The following KDM5B variants were observed in gnomAD, a reference collection of about 807,000 sequenced individuals.
KDM5B encodes lysine demethylase 5B, also known as lysine-specific demethylase 5B.
In KDM5B, 144 loss-of-function variants were observed where a neutral mutation model predicts 193.4. That is an observed-to-expected ratio of 0.74 (90% CI 0.65 to 0.86). KDM5B has a LOEUF of 0.86. Ranked by LOEUF, KDM5B falls within the 40% of genes least tolerant of loss-of-function variation. The pLI, the probability that KDM5B is intolerant of heterozygous loss-of-function variation, is 0.00. For missense variants in KDM5B, 1,833 were observed against 1,886.9 expected (o/e 0.97, Z 0.53); for synonymous variants, 668 against 682.6 (o/e 0.98, Z 0.33).
chr1:202,773,291 G>A lies in KDM5B; in HGVS notation c.406-3C>T. The A allele has an allele frequency of 6.2e-7, 1 of 1,613,176 alleles. No individual in the cohort carries two copies. The highest frequency in any genetic ancestry group is 1.1e-5 in the South Asian group (1 of 91,044). ...AATCCACCTTCTTCTGCAACTAACTGTTAAAATAGCAAAATTAGAAACAAC... is the reference window on the plus strand; with the variant it reads ...AATCCACCTTCTTCTGCAACTAACTATTAAAATAGCAAAATTAGAAACAAC... On this transcript the variant is annotated splice_region_variant and splice_polypyrimidine_tract_variant and intron_variant, in intron 3 of 26. Transcript: ENST00000367265.
intron 1 of KDM5B, among the ~76,000 whole-genome samples, chr1:202,788,594 T>C (rs998216888): frequency 1.4e-5 from 2 of 146,958 alleles, no homozygotes; most frequent in Non-Finnish European, 3.0e-5. Flanking sequence ...GTATTGGTAT[T>C]GGTAGGTCCT....
chr1:202,755,628 A>G (rs548048210), intron 10 of KDM5B, among the ~76,000 whole-genome samples, 176 bp from the exon 11 acceptor site: 2 of 152,324 alleles, frequency 1.3e-5, no homozygotes, highest in African/African-American at 4.8e-5. Flanking sequence ...TGAGCTTTGT[A>G]TAAATGGACT....
chr1:202,750,577 C>T (rs1655749277), intron 13 of KDM5B, 82 bp downstream of exon 13: 1 of 1,489,572 alleles, frequency 6.7e-7, no homozygotes, highest in Non-Finnish European at 9.2e-7. Context: ...ACCCAGCCCA[C>T]ATGACACTTT....
chr1:202,748,837 A>C lies in KDM5B; in HGVS notation c.2016+108T>G, dbSNP rs1655672908. ...ACTATACATCTATTACAATGGCCTCAAAGAAAATAGGCTTTAAAAAGACTG... is the reference window on the plus strand; with the variant it reads ...ACTATACATCTATTACAATGGCCTCCAAGAAAATAGGCTTTAAAAAGACTG... On this transcript the variant is annotated intron_variant, in intron 14 of 26. Coordinates refer to ENST00000367265, the MANE Select transcript of KDM5B (RefSeq NM_006618.5). The C allele has an allele frequency of 1.2e-5, 11 of 910,438 alleles. No homozygotes were observed. The Admixed American group carries it at 2.7e-4, about 23-fold the overall frequency. The allele number at this position is 910,438 out of a possible 1,614,324, so 56.4% of individuals were successfully genotyped here.
Position 202,760,477 on chromosome 1 carries a change from A to G in KDM5B, c.1015T>C (p.Leu339=). 6.2e-7 allele frequency: 1 copy of G among 1,613,882 alleles called. No homozygotes were observed. Among genetic ancestry groups the G allele is most frequent in the South Asian group, 1.1e-5 (1 of 91,040 alleles). The change falls in exon 8 of 27, where the codon TTG becomes CTG. Residue 339 remains leucine (L), a synonymous_variant. Transcript: ENST00000367265. ...GGAACATCATGGAGAGGTGGGATCA[A>G]GCAAAAGGTATGGTAACTGTCATCA... is the stretch of plus-strand genomic sequence containing the variant. The part of the protein sequence containing the change: ...GCDDSYHTFC[L]IPPLHDVPKG...
At chr1:202,799,767 A>G (rs1204624697) in intron 1 of KDM5B, among the ~76,000 whole-genome samples, 1 of 152,210 alleles carries the variant, frequency 6.6e-6, no homozygotes, top group Non-Finnish European at 1.5e-5. Flanking sequence ...AATAATAGTT[A>G]AATTTCACAG....
chr1:202,782,227 C>A (rs1657227269), intron 1 of KDM5B, among the ~76,000 whole-genome samples: 1 of 152,164 alleles, frequency 6.6e-6, no homozygotes, highest in Non-Finnish European at 1.5e-5. Flanking sequence ...AGATAAATGT[C>A]ATTCAGTTTT....
chr1:202,731,094 A>G (rs1273349053), intron 24 of KDM5B, 31 bp from the exon 25 acceptor site: 1 of 1,560,174 alleles, frequency 6.4e-7, no homozygotes, highest in Admixed American at 1.8e-5. Flanking sequence ...TCAAAATGAT[A>G]ACAACAAAGG....
intron 1 of KDM5B, among the ~76,000 whole-genome samples, chr1:202,784,736 GCATT>G (rs1163479486): frequency 6.6e-6 from 1 of 152,148 alleles, no homozygotes; most frequent in African/African-American, 2.4e-5. Context: ...ACAAAGAATT[GCATT>G]CAAAGTCTTC....
chr1:202,775,255 C>T (rs1195620613), intron 2 of KDM5B, among the ~76,000 whole-genome samples: 1 of 150,968 alleles, frequency 6.6e-6, no homozygotes, highest in South Asian at 2.1e-4. Context: ...AATAATTATA[C>T]GACTGGGTGC....
At chr1:202,762,576 C>T in intron 7 of KDM5B, 123 bp downstream of exon 7, 6 of 676,580 alleles carry the variant, frequency 8.9e-6, no homozygotes, top group Non-Finnish European at 1.6e-5. Context: ...TTGTCAGACA[C>T]TAAGTTAAAC....
intron 22 of KDM5B, among the ~76,000 whole-genome samples, chr1:202,735,081 ACTT>A (rs1354659681): frequency 3.3e-5 from 5 of 152,214 alleles, no homozygotes; most frequent in African/African-American, 1.2e-4. Flanking sequence ...TTTTAAATGT[ACTT>A]CTTAACTATA....
intron 4 of KDM5B, 33 bp from the exon 5 acceptor site, chr1:202,767,093 C>T (rs1558501725): frequency 1.2e-6 from 2 of 1,602,088 alleles, no homozygotes; most frequent in South Asian, 1.1e-5. Flanking sequence ...TAAATTCCCT[C>T]CTTTTTTTTT....
chr1:202,742,548 C>T (rs750037287), intron 17 of KDM5B, 43 bp from the exon 18 acceptor site: 29 of 1,598,218 alleles, frequency 1.8e-5, no homozygotes. Flanking sequence ...AGAATACATA[C>T]ATGTCCACCA....
chr1:202,768,525 T>C (rs1353978684), intron 4 of KDM5B, among the ~76,000 whole-genome samples: 1 of 152,018 alleles, frequency 6.6e-6, no homozygotes, highest in Non-Finnish European at 1.5e-5. Context: ...AAGAACAAAA[T>C]AAAGTACAAA....
chr1:202,791,702 G>T (rs940455875), intron 1 of KDM5B, among the ~76,000 whole-genome samples: 1 of 152,010 alleles, frequency 6.6e-6, no homozygotes, highest in Non-Finnish European at 1.5e-5. Context: ...AGTCAATTAT[G>T]AGTTCCTTTA....
intron 3 of KDM5B, among the ~76,000 whole-genome samples, chr1:202,773,726 T>C (rs935847518): frequency 2.2e-4 from 29 of 129,174 alleles, no homozygotes; most frequent in African/African-American, 7.6e-4. Context: ...TATTGAATTA[T>C]GGCTCAGCTT....
chr1:202,748,936 A>G lies in KDM5B; in HGVS notation c.2016+9T>C, dbSNP rs766158114. The G allele has an allele frequency of 1.2e-6, 2 of 1,602,728 alleles. No individual in the cohort carries two copies. The highest frequency in any genetic ancestry group is 2.7e-5 in the African/African-American group (2 of 74,490). On this transcript the variant is annotated intron_variant, in intron 14 of 26. Coordinates refer to ENST00000367265, the MANE Select transcript of KDM5B (RefSeq NM_006618.5). ...TGACAACATGCAGTTGGATTTCCAT[A>G]AGCCTTACCAATTTACGGACAGTTT... is the stretch of plus-strand genomic sequence containing the variant.
At chr1:202,760,824 GTTAT>G (rs1656217549) in intron 7 of KDM5B, among the ~76,000 whole-genome samples, 1 of 152,144 alleles carries the variant, frequency 6.6e-6, no homozygotes, top group African/African-American at 2.4e-5. Context: ...TTTAAAGTTT[GTTAT>G]TTAAAGACCT....
Sources: gnomAD v4.1 joint callset for allele counts (sites outside exome capture counted in the v4.1 genomes callset) on GRCh38, gnomAD v4.1.1 for gene constraint, MANE v1.5 for transcripts, NCBI Gene and HGNC (gene_info 2026-07-23, HGNC 2026-07-21) for gene names.